ARFGAP1: variants seen among roughly 807,000 people sequenced by gnomAD.
The protein encoded by ARFGAP1 is ADP-ribosylation factor GTPase-activating protein 1.
Under a neutral mutation model 54.0 loss-of-function variants are expected in ARFGAP1, and 26 were observed. The ratio of observed to expected loss-of-function variants is 0.48; its 90% CI spans 0.35 to 0.67. The LOEUF (loss-of-function observed/expected upper bound fraction) is 0.67, where lower values mean the gene tolerates loss of function less well. Ranked by LOEUF, ARFGAP1 falls within the 30% of genes least tolerant of loss-of-function variation. ARFGAP1 has a pLI of 0.00. For missense variants in ARFGAP1, 525 were observed against 535.8 expected, an observed-to-expected ratio of 0.98 and a Z score of 0.20; for synonymous variants, 248 against 211.9, an observed-to-expected ratio of 1.17 and a Z score of -1.48.
intron 9 of ARFGAP1, chr20:63,283,445 G>A: frequency 4.5e-6 from 1 of 220,774 alleles, no homozygotes; most frequent in Admixed American, 5.4e-5. Context: ...CACCATGAAA[G>A]CTCAGGACTG....
chr20:63,274,757 C>T (rs529914958), intron 1 of ARFGAP1, among the ~76,000 whole-genome samples: 1 of 152,332 alleles, frequency 6.6e-6, no homozygotes, highest in East Asian at 1.9e-4. Flanking sequence ...ACCACCCCTT[C>T]CTCCGGCTTT....
chr20:63,285,530 C>A, intron 10 of ARFGAP1, 124 bp from the exon 11 acceptor site: 2 of 1,012,238 alleles, frequency 2.0e-6, no homozygotes, highest in Non-Finnish European at 3.1e-6. Context: ...TGGGGCTCAG[C>A]CTGATGGGTA....
chr20:63,283,087 A>T, intron 9 of ARFGAP1: 2 of 574,338 alleles, frequency 3.5e-6, no homozygotes, highest in South Asian at 4.2e-5. Flanking sequence ...GTTCACTGGT[A>T]GCTGGTACCG....
At chr20:63,281,972 G>T (rs1208642284) in intron 8 of ARFGAP1, among the ~76,000 whole-genome samples, 1 of 152,204 alleles carries the variant, frequency 6.6e-6, no homozygotes, top group African/African-American at 2.4e-5. Context: ...TGGGGCTCTT[G>T]TGAGTGGAAG....
chr20:63,282,747 G>A (rs554217722), intron 8 of ARFGAP1, 72 bp from the exon 9 acceptor site: 1 of 1,539,352 alleles, frequency 6.5e-7, no homozygotes, highest in African/African-American at 1.4e-5. Flanking sequence ...ACCTGAGTCT[G>A]TGGGCCCTGA....
rs777247753 is a variant in ARFGAP1, at chr20:63,289,507, G to C, written c.*1634G>C. On this transcript the variant is annotated 3_prime_UTR_variant, in exon 13 of 13. Coordinates refer to ENST00000370283, the MANE Select transcript of ARFGAP1 (RefSeq NM_018209.4). ...CAGCATGGAGCCAAGGTCTGTCCCC[G>C]CCCAGGAGGGTGCCTTCCTCGGGGG... 7 of 152,356 alleles carry C rather than the reference G, an allele frequency of 4.6e-5. No homozygotes were observed. The highest frequency in any genetic ancestry group is 7.2e-5 in the African/African-American group (3 of 41,448). The allele number at this position is 152,356 out of a possible 1,614,324, so 9.4% of individuals were successfully genotyped here.
Position 63,276,365 on chromosome 20 carries a change from C to G in ARFGAP1, c.171-115C>G, listed in dbSNP as rs2067237854. ...GGCACAGAGTTCCAGCTGCTGGCCA[C>G]TCAGCCTCCCTGCGGCTGCTGCTTG... On this transcript the variant is annotated intron_variant, in intron 3 of 12. Transcript: ENST00000370283. The surrounding 1 kb of genome is among the most constrained non-coding windows in gnomAD (Gnocchi z 5.2). 18 of 1,432,992 alleles carry G rather than the reference C, an allele frequency of 1.3e-5. No individual in the cohort carries two copies. In the South Asian group the frequency reaches 2.2e-4, roughly 17 times the overall value. The allele number at this position is 1,432,992 out of a possible 1,614,324, so 88.8% of individuals were successfully genotyped here.
rs1433714943 is a variant in ARFGAP1, at chr20:63,288,335, G to A, written c.*462G>A. 2 of 459,930 alleles carry A rather than the reference G, an allele frequency of 4.3e-6. No individual in the cohort carries two copies. The highest frequency in any genetic ancestry group is 2.3e-5 in the Admixed American group (1 of 42,664). 28.5% of individuals were successfully genotyped at this position (459,930 alleles called of 1,614,324 possible). A position where few individuals can be genotyped will look rare whatever the true frequency, so the allele number is the denominator to read the frequency against. On this transcript the variant is annotated 3_prime_UTR_variant, in exon 13 of 13. Coordinates refer to ENST00000370283, the MANE Select transcript of ARFGAP1 (RefSeq NM_018209.4). ...TTCTTTCTTTTTGAAGAGAGTGACTGGAGTGGTAAAGATGGAAATGCTGGA... is the reference window on the plus strand; with the variant it reads ...TTCTTTCTTTTTGAAGAGAGTGACTAGAGTGGTAAAGATGGAAATGCTGGA...
chr20:63,287,534 T>A, intron 12 of ARFGAP1, 30 bp from the exon 13 acceptor site: 2 of 1,544,162 alleles, frequency 1.3e-6, no homozygotes, highest in Non-Finnish European at 1.8e-6. Flanking sequence ...GTAACAGTCA[T>A]TTAGAGTCCC....
intron 5 of ARFGAP1, among the ~76,000 whole-genome samples, chr20:63,277,611 C>T (rs2067267789): frequency 6.6e-6 from 1 of 152,170 alleles, no homozygotes; most frequent in African/African-American, 2.4e-5. Context: ...TGTTGTCTGC[C>T]CTTCCCCAGA....
intron 1 of ARFGAP1, 72 bp from the exon 2 acceptor site, chr20:63,275,505 G>A: frequency 1.4e-6 from 2 of 1,447,398 alleles, no homozygotes; most frequent in Non-Finnish European, 1.9e-6. Flanking sequence ...GGTGTTTTTG[G>A]ACAGACGTTA....
chr20:63,284,385 A>T lies in ARFGAP1; in HGVS notation c.718-481A>T, dbSNP rs566190848. 7.5e-6 allele frequency: 8 copies of T among 1,065,346 alleles called. No homozygotes were observed. In the African/African-American group the frequency reaches 8.3e-5, roughly 11 times the overall value. The allele number at this position is 1,065,346 out of a possible 1,614,324, so 66.0% of individuals were successfully genotyped here. ...CAGGTGGCCGTGTGGCCTCGACTCC[A>T]CTGACCCAGGATCAGGAGAGGCTGA... On this transcript the variant is annotated intron_variant, in intron 9 of 12. Coordinates refer to ENST00000370283, the MANE Select transcript of ARFGAP1 (RefSeq NM_018209.4).
In ARFGAP1 at chr20:63,288,974, C is replaced by A. The variant is rs143661100; in HGVS notation, c.*1101C>A. 2.5e-4 allele frequency: 49 copies of A among 194,862 alleles called. 1 individual carries two copies. The highest frequency in any genetic ancestry group is 9.1e-4 in the African/African-American group (40 of 43,936). The allele number at this position is 194,862 out of a possible 1,614,324, so 12.1% of individuals were successfully genotyped here. A position where few individuals can be genotyped will look rare whatever the true frequency, so the allele number is the denominator to read the frequency against. On this transcript the variant is annotated 3_prime_UTR_variant, in exon 13 of 13. Transcript: ENST00000370283. ...CTCCCTGGTCACCCCACTTCCCGGT[C>A]GCCGTCTGCAGCACTCCTGGAGCAG... is the stretch of plus-strand genomic sequence containing the variant.
intron 9 of ARFGAP1, chr20:63,284,329 TG>T (rs1319205535): frequency 2.8e-6 from 3 of 1,069,952 alleles, no homozygotes; most frequent in Non-Finnish European, 3.4e-6. Context: ...TCCCTGCCTT[TG>T]GGGGAAGAGG....
At chr20:63,281,427 G>A in intron 8 of ARFGAP1, 80 bp downstream of exon 8, 2 of 1,480,484 alleles carry the variant, frequency 1.4e-6, no homozygotes, top group Non-Finnish European at 1.8e-6. Flanking sequence ...GGTTCTGGGA[G>A]CTGCAGAAGG....
rs551671305 is a variant in ARFGAP1 at position 63,273,400 on chromosome 20, C to T, written c.-5+480C>T. ...CCTCTGAAGCCCGGTGGGGCTTCCA[C>T]CCCCTAAGAAGTGAGGGTCCTAAGA... is the stretch of plus-strand genomic sequence containing the variant. On this transcript the variant is annotated intron_variant, in intron 1 of 12. Coordinates refer to ENST00000370283, the MANE Select transcript of ARFGAP1 (RefSeq NM_018209.4). 16 of 152,364 alleles carry T rather than the reference C, an allele frequency of 1.1e-4. No homozygotes were observed. In the East Asian group the frequency reaches 1.7e-3, roughly 17 times the overall value. 9.4% of individuals were successfully genotyped at this position (152,364 alleles called of 1,614,324 possible). A position where few individuals can be genotyped will look rare whatever the true frequency, so the allele number is the denominator to read the frequency against.
In ARFGAP1 at chr20:63,278,685, C is replaced by T. The variant is rs1273611263; in HGVS notation, c.531-214C>T. ...TTCTGTGGCTGGCTTTGGGGACTTG[C>T]TGGGGACCCTGTGGTGATGTGGCAG... is the stretch of plus-strand genomic sequence containing the variant. On this transcript the variant is annotated intron_variant, in intron 6 of 12. Transcript: ENST00000370283. 6 of 567,266 alleles carry T rather than the reference C, an allele frequency of 1.1e-5. No individual in the cohort carries two copies. In the South Asian group the frequency reaches 1.3e-4, roughly 13 times the overall value. 35.1% of individuals were successfully genotyped at this position (567,266 alleles called of 1,614,324 possible). A position where few individuals can be genotyped will look rare whatever the true frequency, so the allele number is the denominator to read the frequency against.
At chr20:63,284,078 A>G in intron 9 of ARFGAP1, 1 of 1,391,196 alleles carries the variant, frequency 7.2e-7, no homozygotes, top group Non-Finnish European at 9.3e-7. Flanking sequence ...TGTGCCTGTC[A>G]CCCCTGCGCA....
In ARFGAP1 at chr20:63,285,936, C is replaced by T. The variant is rs1467467472; in HGVS notation, c.834+223C>T. Reference sequence around the variant, plus strand: ...CAGCCACTAACTGTCACTTCTCCCTCTGCTCTTATCTTGCTGCTGCTGGCC... The same window carrying T: ...CAGCCACTAACTGTCACTTCTCCCTTTGCTCTTATCTTGCTGCTGCTGGCC... On this transcript the variant is annotated intron_variant, in intron 11 of 12. Transcript: ENST00000370283. 39 of 1,488,426 alleles carry T rather than the reference C, an allele frequency of 2.6e-5. 1 individual carries two copies. In the South Asian group the frequency reaches 5.1e-4, roughly 20 times the overall value. 92.2% of individuals were successfully genotyped at this position (1,488,426 alleles called of 1,614,324 possible).
Sources: gnomAD v4.1 joint callset for allele counts (sites outside exome capture counted in the v4.1 genomes callset) on GRCh38, gnomAD v4.1.1 for gene constraint, Gnocchi (gnomAD v3.1) non-coding constraint, MANE v1.5 for transcripts, NCBI Gene and HGNC (gene_info 2026-07-23, HGNC 2026-07-21) for gene names.